The following TESK2 variants were observed in gnomAD, a reference collection of about 807,000 sequenced individuals.
TESK2 encodes the protein dual specificity testis-specific protein kinase 2.
Under a neutral mutation model 57.1 loss-of-function variants are expected in TESK2, and 39 were observed. The observed-to-expected ratio is 0.68, with a 90% CI of 0.53 to 0.89. The LOEUF (loss-of-function observed/expected upper bound fraction) is 0.89, where lower values mean the gene tolerates loss of function less well. Among genes scored for constraint, TESK2 ranks in the 40% least tolerant of loss-of-function variants. TESK2 has a pLI of 0.00. For missense variants in TESK2, 646 were observed against 732.1 expected (o/e 0.88, Z 1.36); for synonymous variants, 249 against 267.9 (o/e 0.93, Z 0.69).
intron 1 of TESK2, among the ~76,000 whole-genome samples, chr1:45,469,263 T>C (rs951910272): frequency 6.6e-6 from 1 of 152,158 alleles, no homozygotes; most frequent in African/African-American, 2.4e-5. Flanking sequence ...TTCAGAAATA[T>C]CAAGGAAATT....
At chr1:45,472,151 C>T (rs1398988981) in intron 1 of TESK2, among the ~76,000 whole-genome samples, 3 of 151,440 alleles carry the variant, frequency 2.0e-5, no homozygotes, top group Middle Eastern at 6.8e-3. Context: ...ACTCGGGAGG[C>T]TGAGGCAGGA....
intron 2 of TESK2, among the ~76,000 whole-genome samples, chr1:45,456,657 G>C (rs555318780): frequency 5.9e-5 from 9 of 152,092 alleles, no homozygotes; most frequent in Non-Finnish European, 1.2e-4. Flanking sequence ...AAAGAGAGGG[G>C]AGAATTTCTT....
intron 2 of TESK2, among the ~76,000 whole-genome samples, chr1:45,425,938 A>G (rs1650672815): frequency 6.6e-6 from 1 of 151,914 alleles, no homozygotes; most frequent in Admixed American, 6.6e-5. Context: ...TGAAGTCAGG[A>G]GTTTGAGATC....
chr1:45,347,157 A>T, intron 7 of TESK2, 95 bp from the exon 8 acceptor site: 1 of 1,079,954 alleles, frequency 9.3e-7, no homozygotes. Context: ...ACCATCTAAC[A>T]GCCCAGGCCT....
intron 3 of TESK2, among the ~76,000 whole-genome samples, chr1:45,416,948 G>A (rs367735692): frequency 2.7e-4 from 41 of 151,852 alleles, no homozygotes; most frequent in African/African-American, 9.7e-4. Flanking sequence ...CACCACACCC[G>A]GCTGATTTTT....
At chr1:45,446,130 A>G (rs2149295666) in intron 2 of TESK2, among the ~76,000 whole-genome samples, 1 of 150,868 alleles carries the variant, frequency 6.6e-6, no homozygotes, top group African/African-American at 2.4e-5. Context: ...TTTTAATACC[A>G]CTTAAGCTGT....
At chr1:45,433,100 G>A (rs1013853797) in intron 2 of TESK2, among the ~76,000 whole-genome samples, 4 of 104,934 alleles carry the variant, frequency 3.8e-5, no homozygotes, top group East Asian at 3.0e-4. Flanking sequence ...TTTTGAGACC[G>A]AGTCTCACTC....
chr1:45,355,454 A>T lies in TESK2; in HGVS notation c.394-5T>A. On this transcript the variant is annotated splice_region_variant and splice_polypyrimidine_tract_variant and intron_variant, in intron 4 of 10. Transcript: ENST00000372086. ...CAGGTTCCCGGAGTTGATATACTGCAAAACAGAAGGAAAACCCAGCTACCA... is the reference window on the plus strand; with the variant it reads ...CAGGTTCCCGGAGTTGATATACTGCTAAACAGAAGGAAAACCCAGCTACCA... The T allele has an allele frequency of 1.3e-6, 2 of 1,598,280 alleles. No homozygotes were observed. The highest frequency in any genetic ancestry group is 4.5e-5 in the East Asian group (2 of 44,424).
chr1:45,397,283 C>T (rs1211596597), intron 3 of TESK2, among the ~76,000 whole-genome samples: 1 of 152,098 alleles, frequency 6.6e-6, no homozygotes, highest in Non-Finnish European at 1.5e-5. Context: ...AGTAACTTGC[C>T]CCAAATCATA....
In TESK2 at chr1:45,394,932, C is replaced by T. The variant is rs547471892; in HGVS notation, c.345-8972G>A. On this transcript the variant is annotated intron_variant, in intron 3 of 10. Coordinates refer to ENST00000372086, the MANE Select transcript of TESK2 (RefSeq NM_007170.3). ...CTCGAACTCCTGACCTCAAGTGATC[C>T]GCCCGTCTCAGCCTCCCAAAAGGCT... Among the ~76,000 whole-genome samples the T allele has an allele frequency of 1.6e-3, 247 of 151,806 alleles. 1 individual carries two copies. The highest frequency in any genetic ancestry group is 2.4e-3 in the Non-Finnish European group (165 of 67,912).
At chr1:45,402,894 G>A (rs1408187764) in intron 3 of TESK2, among the ~76,000 whole-genome samples, 2 of 151,822 alleles carry the variant, frequency 1.3e-5, no homozygotes, top group South Asian at 2.1e-4. Context: ...CCTTTAACAC[G>A]TAGCACAAAA....
chr1:45,419,179 T>C (rs1393938188), intron 3 of TESK2, among the ~76,000 whole-genome samples: 2 of 152,036 alleles, frequency 1.3e-5, no homozygotes, highest in Admixed American at 6.6e-5. Context: ...GGTTTCACCA[T>C]GTTGGCCAGG....
At chr1:45,416,701 A>T (rs1352535672) in intron 3 of TESK2, among the ~76,000 whole-genome samples, 1 of 151,952 alleles carries the variant, frequency 6.6e-6, no homozygotes, top group Non-Finnish European at 1.5e-5. Context: ...TGTAACTGAA[A>T]CTTTGTGTCT....
intron 2 of TESK2, among the ~76,000 whole-genome samples, chr1:45,436,119 G>GT (rs1292770656): frequency 7.7e-6 from 1 of 130,288 alleles, no homozygotes; most frequent in Non-Finnish European, 1.7e-5. Flanking sequence ...TCTCTTTTTT[G>GT]TTTCCATACA....
intron 2 of TESK2, among the ~76,000 whole-genome samples, chr1:45,430,756 G>A (rs1484894568): frequency 6.6e-6 from 1 of 152,150 alleles, no homozygotes; most frequent in Non-Finnish European, 1.5e-5. Context: ...TTTCATGTGT[G>A]GTTCTATAAA....
chr1:45,407,676 T>C (rs1051543000), intron 3 of TESK2, among the ~76,000 whole-genome samples: 1 of 152,220 alleles, frequency 6.6e-6, no homozygotes, highest in Non-Finnish European at 1.5e-5. Context: ...GCACATGTTC[T>C]CTTGCCTGCA....
intron 1 of TESK2, among the ~76,000 whole-genome samples, chr1:45,460,642 C>G (rs1652296304): frequency 1.3e-5 from 2 of 152,114 alleles, no homozygotes; most frequent in Non-Finnish European, 2.9e-5. Context: ...CAGCCTCAAA[C>G]TCCTGGGTTC....
intron 1 of TESK2, among the ~76,000 whole-genome samples, chr1:45,463,800 G>A (rs1570756350): frequency 6.6e-6 from 1 of 151,984 alleles, no homozygotes; most frequent in East Asian, 1.9e-4. Context: ...AGTTGCCCAG[G>A]ATCATCTCAA....
At chr1:45,385,710 G>GTA (rs754585734) in intron 4 of TESK2, among the ~76,000 whole-genome samples, 16,671 of 135,002 alleles carry the variant, frequency 0.12, 1,126 homozygotes, top group Admixed American at 0.2. Flanking sequence ...GTGTGTGTGT[G>GTA]TATATATATA....
Sources: allele counts gnomAD v4.1 joint callset (sites outside exome capture counted in the v4.1 genomes callset), GRCh38; gene constraint gnomAD v4.1.1; transcripts MANE v1.5; gene names NCBI Gene and HGNC (gene_info 2026-07-23, HGNC 2026-07-21).